PCDHGA9: variants seen among roughly 807,000 people sequenced by gnomAD.
PCDHGA9 encodes protocadherin gamma subfamily A, 9.
In PCDHGA9, 37 loss-of-function variants were observed where a neutral mutation model predicts 62.5. That is an observed-to-expected ratio of 0.59 (90% CI 0.46 to 0.78). PCDHGA9 has a LOEUF of 0.78. Ranked by LOEUF, PCDHGA9 falls within the 30% of genes least tolerant of loss-of-function variation. PCDHGA9 has a pLI of 0.00. For synonymous variants in PCDHGA9, 459 were observed against 484.6 expected (o/e 0.95, Z 0.69); for missense variants, 1,138 against 1,166.2 (o/e 0.98, Z 0.35).
In PCDHGA9 at chr5:141,491,841, A is replaced by T. The variant is rs995010359; in HGVS notation, c.2425-2966A>T. The T allele has an allele frequency of 1.4e-6, 2 of 1,465,172 alleles. No homozygotes were observed. The highest frequency in any genetic ancestry group is 1.4e-5 in the African/African-American group (1 of 69,948). 90.8% of individuals were successfully genotyped at this position (1,465,172 alleles called of 1,614,324 possible). ...TGCGCTCCACCCGATTCTCGGGATC[A>T]TTGGACCGTTTGCGCGAAACCAGAG... is the stretch of plus-strand genomic sequence containing the variant. On this transcript the variant is annotated intron_variant, in intron 1 of 3. Transcript: ENST00000573521. The surrounding 1 kb of genome is among the most constrained non-coding windows in gnomAD (Gnocchi z 6.9).
intron 1 of PCDHGA9, chr5:141,415,752 T>TG: frequency 1.6e-5 from 22 of 1,372,540 alleles, no homozygotes; most frequent in Middle Eastern, 2.6e-4. Flanking sequence ...TTTTTTTTTT[T>TG]TTTTTTTTTT....
intron 2 of PCDHGA9, among the ~76,000 whole-genome samples, chr5:141,501,009 C>T (rs2099804715): frequency 2.0e-5 from 3 of 152,040 alleles, no homozygotes; most frequent in Non-Finnish European, 4.4e-5. Context: ...GCTGGGACTA[C>T]AGGCACGCGC....
Position 141,431,954 on chromosome 5 carries a change from G to T in PCDHGA9, c.2424+26578G>T. On this transcript the variant is annotated intron_variant, in intron 1 of 3. Coordinates refer to ENST00000573521, the MANE Select transcript of PCDHGA9 (RefSeq NM_018921.3). The surrounding 1 kb of genome is among the most constrained non-coding windows in gnomAD (Gnocchi z 4.8). Reference sequence around the variant, plus strand: ...GCCCTTTAAATTAGAAAAATCTTACGGAAATTACTATAGTTTAGTCACAGA... The same window carrying T: ...GCCCTTTAAATTAGAAAAATCTTACTGAAATTACTATAGTTTAGTCACAGA... The T allele has an allele frequency of 6.2e-7, 1 of 1,614,110 alleles. No homozygotes were observed. Among genetic ancestry groups the T allele is most frequent in the Non-Finnish European group, 8.5e-7 (1 of 1,180,010 alleles).
In PCDHGA9 at chr5:141,487,186, A is replaced by G; in HGVS notation, c.2425-7621A>G. 4 of 1,613,760 alleles carry G rather than the reference A, an allele frequency of 2.5e-6. No individual in the cohort carries two copies. The highest frequency in any genetic ancestry group is 2.5e-6 in the Non-Finnish European group (3 of 1,179,662). ...TGTCCTTAGAGGAAGACACTCATCC[A>G]GTTGTCCCAGATCTTCGAGAATCTT... is the stretch of plus-strand genomic sequence containing the variant. On this transcript the variant is annotated intron_variant, in intron 1 of 3. Coordinates refer to ENST00000573521, the MANE Select transcript of PCDHGA9 (RefSeq NM_018921.3). This position sits in a 1 kb window ranked among gnomAD's most constrained non-coding sequence, Gnocchi z 5.0.
Position 141,485,842 on chromosome 5 carries a change from T to G in PCDHGA9, c.2425-8965T>G. 4 of 1,614,002 alleles carry G rather than the reference T, an allele frequency of 2.5e-6. No homozygotes were observed. The highest frequency in any genetic ancestry group is 3.4e-6 in the Non-Finnish European group (4 of 1,179,982). On this transcript the variant is annotated intron_variant, in intron 1 of 3. Coordinates refer to ENST00000573521, the MANE Select transcript of PCDHGA9 (RefSeq NM_018921.3). The surrounding 1 kb of genome is among the most constrained non-coding windows in gnomAD (Gnocchi z 5.7). ...TCGATGGAGGGAACCCGCCGAGATC[T>G]GGCACCGCAGAGCTCCGGGTATCCG...
chr5:141,476,507 A>G lies in PCDHGA9; in HGVS notation c.2425-18300A>G. 1 of 1,614,102 alleles carries G rather than the reference A, an allele frequency of 6.2e-7. No individual in the cohort carries two copies. The highest frequency in any genetic ancestry group is 8.5e-7 in the Non-Finnish European group (1 of 1,180,008). On this transcript the variant is annotated intron_variant, in intron 1 of 3. Transcript: ENST00000573521. This position sits in a 1 kb window ranked among gnomAD's most constrained non-coding sequence, Gnocchi z 7.6. Reference sequence around the variant, plus strand: ...AGTGGTGATCCAGGACATCAACGACAACAATCCTGCTTTCCCTACCCAGGA... The same window carrying G: ...AGTGGTGATCCAGGACATCAACGACGACAATCCTGCTTTCCCTACCCAGGA...
intron 1 of PCDHGA9, among the ~76,000 whole-genome samples, chr5:141,492,920 G>A (rs2099745093): frequency 6.6e-6 from 1 of 152,198 alleles, no homozygotes; most frequent in African/African-American, 2.4e-5. Context: ...TGTGCCCAGC[G>A]ATCTAGGGTC....
chr5:141,418,284 T>A (rs766608852), intron 1 of PCDHGA9: 19 of 1,613,826 alleles, frequency 1.2e-5, no homozygotes, highest in Non-Finnish European at 1.4e-5. Flanking sequence ...AACTTAGAAA[T>A]CAGTGAATCC....
chr5:141,454,101 A>T (rs2098781558), intron 1 of PCDHGA9, among the ~76,000 whole-genome samples: 1 of 152,256 alleles, frequency 6.6e-6, no homozygotes. Flanking sequence ...ATTGAACATA[A>T]ATGGAGTTAT....
chr5:141,480,607 C>T (rs2099522175), intron 1 of PCDHGA9, among the ~76,000 whole-genome samples: 1 of 145,670 alleles, frequency 6.9e-6, no homozygotes, highest in Admixed American at 6.8e-5. Context: ...GCCTGGAAAG[C>T]AACTGGCATT....
chr5:141,490,476 G>A lies in PCDHGA9; in HGVS notation c.2425-4331G>A. 1 of 1,614,208 alleles carries A rather than the reference G, an allele frequency of 6.2e-7. No homozygotes were observed. The highest frequency in any genetic ancestry group is 8.5e-7 in the Non-Finnish European group (1 of 1,180,046). On this transcript the variant is annotated intron_variant, in intron 1 of 3. Transcript: ENST00000573521. The surrounding 1 kb of genome is among the most constrained non-coding windows in gnomAD (Gnocchi z 5.4). ...ACTCGCTGCTAACCAGCCAGCCTTT[G>A]GACCGGGAGGCCACATCCCACTATA...
intron 1 of PCDHGA9, chr5:141,413,621 A>G (rs369411784): frequency 1.0e-4 from 161 of 1,613,784 alleles, no homozygotes; most frequent in Admixed American, 1.5e-4. Flanking sequence ...ATTAATGAAA[A>G]TGTCGCTGCG....
rs2099750805 is a variant in PCDHGA9, at chr5:141,493,915, T to C, written c.2425-892T>C. ...TGCTCCATGAGAGTGTGTGATGGGA[T>C]AACACACCCCCTGGAAAGACCAGAA... On this transcript the variant is annotated intron_variant, in intron 1 of 3. Transcript: ENST00000573521. This position sits in a 1 kb window ranked among gnomAD's most constrained non-coding sequence, Gnocchi z 4.3. Among the ~76,000 whole-genome samples, 1 of 152,024 alleles carries C rather than the reference T, an allele frequency of 6.6e-6. No homozygotes were observed. Among genetic ancestry groups the C allele is most frequent in the African/African-American group, 2.4e-5 (1 of 41,386 alleles).
intron 1 of PCDHGA9, among the ~76,000 whole-genome samples, chr5:141,482,526 C>T (rs1198022164): frequency 1.5e-5 from 1 of 68,582 alleles, no homozygotes; most frequent in African/African-American, 9.7e-5. Flanking sequence ...ATGAGACAGA[C>T]ATGCAAAAAA....
At chr5:141,478,840 A>G (rs2099480064) in intron 1 of PCDHGA9, 1 of 1,410,466 alleles carries the variant, frequency 7.1e-7, no homozygotes, top group Non-Finnish European at 9.3e-7. Context: ...AGGGATGGTT[A>G]AGCTAAAACA....
In PCDHGA9 at chr5:141,432,571, G is replaced by C; in HGVS notation, c.2424+27195G>C. On this transcript the variant is annotated intron_variant, in intron 1 of 3. Transcript: ENST00000573521. The surrounding 1 kb of genome is among the most constrained non-coding windows in gnomAD (Gnocchi z 6.0). ...GAGACTCCGGCCAGAACGCCTGGCT[G>C]TCCTACCGTCTGCTCAAGGCCAGCG... The C allele has an allele frequency of 6.2e-7, 1 of 1,613,954 alleles. No individual in the cohort carries two copies. The highest frequency in any genetic ancestry group is 8.5e-7 in the Non-Finnish European group (1 of 1,179,992).
intron 1 of PCDHGA9, among the ~76,000 whole-genome samples, chr5:141,464,747 G>A (rs969116049): frequency 2.0e-5 from 3 of 151,812 alleles, no homozygotes; most frequent in Admixed American, 2.0e-4. Context: ...ATATCTTTTT[G>A]TTTTTTTAGA....
intron 1 of PCDHGA9, among the ~76,000 whole-genome samples, chr5:141,481,109 A>G (rs959629019): frequency 6.6e-6 from 1 of 152,186 alleles, no homozygotes; most frequent in Non-Finnish European, 1.5e-5. Flanking sequence ...GGAACCTACC[A>G]ATCCATCATT....
intron 3 of PCDHGA9, among the ~76,000 whole-genome samples, chr5:141,509,807 C>T (rs369661041): frequency 2.0e-5 from 3 of 152,104 alleles, no homozygotes; most frequent in Non-Finnish European, 4.4e-5. Context: ...TTCATAGAGC[C>T]GAGCTCTTCT....
Sources: gnomAD v4.1 joint callset for allele counts (sites outside exome capture counted in the v4.1 genomes callset) on GRCh38, gnomAD v4.1.1 for gene constraint, Gnocchi (gnomAD v3.1) non-coding constraint, MANE v1.5 for transcripts, NCBI Gene and HGNC (gene_info 2026-07-23, HGNC 2026-07-21) for gene names.